PBX1: variants seen among roughly 807,000 people sequenced by gnomAD.
PBX1 encodes PBX homeobox 1.
PBX1 carries 6 observed loss-of-function variants against 53.4 expected under a neutral mutation model. The observed-to-expected ratio is 0.11, with a 90% CI of 0.06 to 0.22. The LOEUF (loss-of-function observed/expected upper bound fraction) is 0.22. PBX1 is among the 10% of genes least tolerant of loss of function. The probability of loss-of-function intolerance (pLI) is 1.00; values close to 1 mark genes in which losing one functional copy is unlikely to be tolerated. For missense variants in PBX1, 251 were observed against 551.4 expected, an observed-to-expected ratio of 0.46 and a Z score of 5.46; for synonymous variants, 204 against 212.3, an observed-to-expected ratio of 0.96 and a Z score of 0.34.
chr1:164,649,330 A>G (rs1659647257), intron 2 of PBX1, among the ~76,000 whole-genome samples: 1 of 152,220 alleles, frequency 6.6e-6, no homozygotes, highest in Non-Finnish European at 1.5e-5. Context: ...TACAGTGCTT[A>G]GTATGAGGTG....
intron 2 of PBX1, chr1:164,884,704 T>C (rs547621472): frequency 4.2e-5 from 12 of 288,322 alleles, no homozygotes; most frequent in Middle Eastern, 7.7e-4. Context: ...TGGCCAGTCA[T>C]ATCAGCCAAA....
chr1:164,772,628 C>T (rs1194675075), intron 2 of PBX1, among the ~76,000 whole-genome samples: 2 of 152,150 alleles, frequency 1.3e-5, no homozygotes, highest in Non-Finnish European at 2.9e-5. Context: ...ACTAGGACAG[C>T]CCACTCCCCT....
intron 2 of PBX1, among the ~76,000 whole-genome samples, chr1:164,577,306 AG>A (rs1240863514): frequency 1.3e-5 from 2 of 152,288 alleles, no homozygotes; most frequent in African/African-American, 4.8e-5. Flanking sequence ...CACTTGAAGA[AG>A]GTTTGGGGCC....
intron 2 of PBX1, among the ~76,000 whole-genome samples, chr1:164,605,918 T>C (rs1656516846): frequency 6.6e-6 from 1 of 152,234 alleles, no homozygotes; most frequent in African/African-American, 2.4e-5. Context: ...TTTAAGATTT[T>C]ATTTTTCATT....
chr1:164,611,736 G>T (rs1656948164), intron 2 of PBX1, among the ~76,000 whole-genome samples: 1 of 152,188 alleles, frequency 6.6e-6, no homozygotes, highest in African/African-American at 2.4e-5. Context: ...TGGAAGAGTA[G>T]AGAAGAGGGT....
intron 2 of PBX1, among the ~76,000 whole-genome samples, chr1:164,788,005 T>C (rs1444653517): frequency 6.6e-6 from 1 of 151,658 alleles, no homozygotes; most frequent in Non-Finnish European, 1.5e-5. Context: ...AAACCCTATA[T>C]GCATGAGGAC....
intron 6 of PBX1, 56 bp from the exon 7 acceptor site, chr1:164,820,016 C>A: frequency 4.0e-6 from 4 of 1,002,810 alleles, no homozygotes; most frequent in Non-Finnish European, 6.2e-6. Context: ...CTGTTAGTTG[C>A]GGGGTTTGAG....
intron 2 of PBX1, chr1:164,703,215 G>A (rs1485953776): frequency 6.6e-6 from 1 of 152,078 alleles, no homozygotes; most frequent in East Asian, 1.9e-4. Context: ...ACACCCAATT[G>A]GCATAGCGCA....
At chr1:164,725,259 C>T (rs538937446) in intron 2 of PBX1, among the ~76,000 whole-genome samples, 1 of 152,220 alleles carries the variant, frequency 6.6e-6, no homozygotes, top group East Asian at 1.9e-4. Flanking sequence ...GCATAAGCCC[C>T]CAAAGGTTTG....
chr1:164,844,684 TAGTC>T (rs1311521594), intron 8 of PBX1, among the ~76,000 whole-genome samples: 8 of 152,214 alleles, frequency 5.3e-5, no homozygotes, highest in Non-Finnish European at 8.8e-5. Context: ...CCGCCATTCT[TAGTC>T]AGCCTAAAAT....
chr1:164,563,183 C>A, intron 1 of PBX1, 55 bp from the exon 2 acceptor site: 1 of 1,201,666 alleles, frequency 8.3e-7, no homozygotes, highest in Non-Finnish European at 1.2e-6. Flanking sequence ...TGTGCATTAT[C>A]GGCAGTTTGA....
intron 2 of PBX1, among the ~76,000 whole-genome samples, chr1:164,872,522 G>A (rs1672406420): frequency 6.6e-6 from 1 of 152,174 alleles, no homozygotes; most frequent in Non-Finnish European, 1.5e-5. Context: ...CTGATTTTGT[G>A]TATTCAGAAC....
chr1:164,760,572 A>C (rs1666758493), intron 2 of PBX1, among the ~76,000 whole-genome samples: 1 of 152,088 alleles, frequency 6.6e-6, no homozygotes, highest in Non-Finnish European at 1.5e-5. Flanking sequence ...AAACAACAAC[A>C]ATAAAAAACA....
chr1:164,655,445 C>G (rs967285795), intron 2 of PBX1, among the ~76,000 whole-genome samples: 18 of 152,122 alleles, frequency 1.2e-4, no homozygotes, highest in Non-Finnish European at 8.8e-5. Flanking sequence ...CTGTCTTCTA[C>G]AGAGCACCAT....
chr1:164,810,302 T>C (rs1669544061), intron 5 of PBX1, among the ~76,000 whole-genome samples: 1 of 152,222 alleles, frequency 6.6e-6, no homozygotes. Flanking sequence ...TCCATGACTG[T>C]TGAGTAATTA....
chr1:164,846,468 C>A, intron 8 of PBX1, 116 bp from the exon 9 acceptor site: 2 of 843,474 alleles, frequency 2.4e-6, no homozygotes, highest in Admixed American at 1.8e-5. Context: ...TGATGAGTGT[C>A]TCCATGTGCC....
chr1:164,881,278 GAC>G (rs947547572), intron 2 of PBX1, among the ~76,000 whole-genome samples: 8 of 150,678 alleles, frequency 5.3e-5, no homozygotes, highest in African/African-American at 2.0e-4. Context: ...GAACTGCAGA[GAC>G]ACAGAGAGAA....
chr1:164,576,479 C>T (rs912705785), intron 2 of PBX1, among the ~76,000 whole-genome samples: 3 of 152,210 alleles, frequency 2.0e-5, no homozygotes, highest in Non-Finnish European at 4.4e-5. Context: ...GCGTGCGGCC[C>T]CCCTCAGACT....
At chr1:164,718,509 A>G (rs1458599624) in intron 2 of PBX1, among the ~76,000 whole-genome samples, 1 of 152,196 alleles carries the variant, frequency 6.6e-6, no homozygotes, top group Non-Finnish European at 1.5e-5. Flanking sequence ...AGGGGTATTT[A>G]AGATTTGGGT....
Sources: gnomAD v4.1 joint callset for allele counts (sites outside exome capture counted in the v4.1 genomes callset) on GRCh38, gnomAD v4.1.1 for gene constraint, MANE v1.5 for transcripts, NCBI Gene and HGNC (gene_info 2026-07-23, HGNC 2026-07-21) for gene names.